MEGF11: variants seen among roughly 807,000 people sequenced by gnomAD.
MEGF11 encodes multiple epidermal growth factor-like domains protein 11.
MEGF11 carries 126 observed loss-of-function variants against 146.6 expected under a neutral mutation model. The observed-to-expected ratio is 0.86, with a 90% CI of 0.74 to 1.00. The LOEUF (loss-of-function observed/expected upper bound fraction) is 1.00. Ranked by LOEUF, MEGF11 falls within the 50% of genes least tolerant of loss-of-function variation. The pLI is 0.00. For synonymous variants in MEGF11, 532 were observed against 583.4 expected (o/e 0.91, Z 1.27); for missense variants, 1,509 against 1,521.2 (o/e 0.99, Z 0.13).
chr15:66,109,621 C>G (rs2087282957), intron 4 of MEGF11, among the ~76,000 whole-genome samples: 1 of 152,202 alleles, frequency 6.6e-6, no homozygotes, highest in Non-Finnish European at 1.5e-5. Context: ...ACACAGCTAG[C>G]AGAGGAAGTG....
chr15:65,912,178 A>G lies in MEGF11; in HGVS notation c.2733T>C (p.His911=). The change falls in exon 21 of 26, where the codon CAT becomes CAC. Residue 911 remains histidine (H), a synonymous_variant. Transcript: ENST00000395614. ...AGCTGGAATTGGAAAAGCAGTGGGC[A>G]TGGCTGCTACTTTGAGACAAATCTG... The part of the protein sequence containing the change: ...SLSDLSQSSS[H]AHCFSNSSYH... The G allele has an allele frequency of 1.6e-6, 2 of 1,232,534 alleles. No individual in the cohort carries two copies. Among genetic ancestry groups the G allele is most frequent in the Non-Finnish European group, 2.0e-6 (2 of 988,282 alleles). The allele number at this position is 1,232,534 out of a possible 1,614,324, so 76.3% of individuals were successfully genotyped here.
At chr15:66,217,517 C>A (rs1265573962) in intron 1 of MEGF11, among the ~76,000 whole-genome samples, 2 of 152,256 alleles carry the variant, frequency 1.3e-5, no homozygotes, top group African/African-American at 2.4e-5. Flanking sequence ...TGTATCCCCA[C>A]TAAAGTGTGG....
At chr15:65,952,715 G>A (rs1425494887) in intron 10 of MEGF11, among the ~76,000 whole-genome samples, 2 of 152,170 alleles carry the variant, frequency 1.3e-5, no homozygotes, top group Non-Finnish European at 2.9e-5. Context: ...CACTGTTTCC[G>A]ATGGGCAGGG....
chr15:65,997,904 C>T lies in MEGF11; in HGVS notation c.395-15416G>A, dbSNP rs147481851. 4.8e-3 allele frequency among the ~76,000 whole-genome samples: 732 copies of T among 152,048 alleles called. 11 individuals carry two copies. Among genetic ancestry groups the T allele is most frequent in the African/African-American group, 0.015 (625 of 41,462 alleles). ...AGAAGGTGACCCGGACACTGAGAAC[C>T]GAAGAATGAGAAGGAGATGGCCATG... is the stretch of plus-strand genomic sequence containing the variant. On this transcript the variant is annotated intron_variant, in intron 5 of 25. Coordinates refer to ENST00000395614, the MANE Select transcript of MEGF11 (RefSeq NM_001385028.1).
intron 5 of MEGF11, among the ~76,000 whole-genome samples, chr15:66,060,387 C>T (rs1003436218): frequency 2.0e-5 from 3 of 152,220 alleles, no homozygotes; most frequent in Non-Finnish European, 4.4e-5. Context: ...CACAGTCTCT[C>T]CCCTTGCAGA....
Position 66,201,946 on chromosome 15 carries a change from CAAAAAAAAAAAAAAAAA to C in MEGF11, c.-9+51642_-9+51658del, listed in dbSNP as rs71139471. On this transcript the variant is annotated intron_variant, in intron 1 of 25. Transcript: ENST00000395614. ...TGGGCGACAGAGCAAGACTCCATCTCAAAAAAAAAAAAAAAAAAAAAAAAAAAAACCTGCCTCCAGAC... is the reference window on the plus strand; with the variant it reads ...TGGGCGACAGAGCAAGACTCCATCTCAAAAAAAAAAAACCTGCCTCCAGAC... Among the ~76,000 whole-genome samples, 293 of 31,816 alleles carry C rather than the reference CAAAAAAAAAAAAAAAAA, an allele frequency of 9.2e-3. 2 individuals carry two copies. The highest frequency in any genetic ancestry group is 0.04 in the African/African-American group (282 of 7,114). 20.9% of individuals were successfully genotyped at this position (31,816 alleles called of 152,430 possible). A position where few individuals can be genotyped will look rare whatever the true frequency, so the allele number is the denominator to read the frequency against.
At chr15:65,946,533 C>T (rs2080200201) in intron 10 of MEGF11, among the ~76,000 whole-genome samples, 1 of 152,212 alleles carries the variant, frequency 6.6e-6, no homozygotes, top group South Asian at 2.1e-4. Context: ...GCTGGGACTA[C>T]TGGCACCCAC....
intron 4 of MEGF11, among the ~76,000 whole-genome samples, chr15:66,103,437 G>T (rs1284701981): frequency 1.3e-5 from 2 of 152,182 alleles, no homozygotes; most frequent in African/African-American, 4.8e-5. Flanking sequence ...AATTGTCTGA[G>T]AATGTTAATA....
At chr15:66,190,522 A>G (rs964583741) in intron 1 of MEGF11, among the ~76,000 whole-genome samples, 1 of 152,214 alleles carries the variant, frequency 6.6e-6, no homozygotes, top group Admixed American at 6.5e-5. Context: ...CCTCAGACAC[A>G]CTTGAGGCTA....
intron 1 of MEGF11, among the ~76,000 whole-genome samples, chr15:66,211,454 G>A (rs1025192476): frequency 6.6e-6 from 1 of 152,020 alleles, no homozygotes; most frequent in South Asian, 2.1e-4. Context: ...AACCCGGGAG[G>A]GGGAGCTTGC....
At chr15:66,204,348 T>C (rs948685353) in intron 1 of MEGF11, among the ~76,000 whole-genome samples, 3 of 151,994 alleles carry the variant, frequency 2.0e-5, no homozygotes, top group Non-Finnish European at 4.4e-5. Flanking sequence ...GAGGTTTCAG[T>C]GGGCCGAGAT....
chr15:66,098,137 G>A (rs1242673144), intron 4 of MEGF11, among the ~76,000 whole-genome samples: 1 of 152,216 alleles, frequency 6.6e-6, no homozygotes, highest in Non-Finnish European at 1.5e-5. Flanking sequence ...CAGAGGTACA[G>A]ATGGAAGGCC....
At chr15:65,921,112 T>C (rs1317417841) in intron 15 of MEGF11, among the ~76,000 whole-genome samples, 1 of 152,216 alleles carries the variant, frequency 6.6e-6, no homozygotes, top group Non-Finnish European at 1.5e-5. Context: ...TTCATACATA[T>C]TAACAGCCCA....
chr15:66,161,152 G>A (rs1014235610), intron 1 of MEGF11, among the ~76,000 whole-genome samples: 7 of 152,174 alleles, frequency 4.6e-5, no homozygotes, highest in Non-Finnish European at 7.3e-5. Context: ...CCTTGAATAC[G>A]TGAAGTCAGA....
intron 1 of MEGF11, among the ~76,000 whole-genome samples, chr15:66,186,498 G>A (rs961905093): frequency 3.9e-5 from 6 of 152,196 alleles, no homozygotes; most frequent in African/African-American, 9.7e-5. Flanking sequence ...TTCCAGAAAG[G>A]AGACTGTAGG....
chr15:65,943,167 G>A (rs1019326903), intron 10 of MEGF11, among the ~76,000 whole-genome samples: 6 of 151,704 alleles, frequency 4.0e-5, no homozygotes, highest in Admixed American at 1.3e-4. Context: ...AAGTAGAGAC[G>A]GGGTTTCACC....
intron 1 of MEGF11, among the ~76,000 whole-genome samples, chr15:66,219,285 G>A (rs2091671477): frequency 6.6e-6 from 1 of 152,146 alleles, no homozygotes; most frequent in African/African-American, 2.4e-5. Flanking sequence ...TACAGAGCGG[G>A]AGAAAATATC....
At chr15:66,223,595 T>C (rs958559546) in intron 1 of MEGF11, among the ~76,000 whole-genome samples, 1 of 152,096 alleles carries the variant, frequency 6.6e-6, no homozygotes, top group Non-Finnish European at 1.5e-5. Flanking sequence ...TGGTGGCACA[T>C]GCCTGTAATC....
intron 15 of MEGF11, among the ~76,000 whole-genome samples, chr15:65,919,357 A>G (rs1336014233): frequency 6.6e-6 from 1 of 152,200 alleles, no homozygotes; most frequent in African/African-American, 2.4e-5. Flanking sequence ...CATACCTCAG[A>G]GATGTGGGTT....
Sources: gnomAD v4.1 joint callset for allele counts (sites outside exome capture counted in the v4.1 genomes callset) on GRCh38, gnomAD v4.1.1 for gene constraint, MANE v1.5 for transcripts, NCBI Gene and HGNC (gene_info 2026-07-23, HGNC 2026-07-21) for gene names.